PALLD: variants seen among roughly 807,000 people sequenced by gnomAD.
PALLD encodes palladin, cytoskeletal associated protein.
In PALLD, 61 loss-of-function variants were observed where a neutral mutation model predicts 123.5. That is an observed-to-expected ratio of 0.49 (90% CI 0.40 to 0.61). The LOEUF is 0.61. Among genes scored for constraint, PALLD ranks in the 20% least tolerant of loss-of-function variants. PALLD has a pLI of 0.00. For missense variants in PALLD, 1,273 were observed against 1,377.0 expected (o/e 0.92, Z 1.20); for synonymous variants, 465 against 496.4 (o/e 0.94, Z 0.84).
chr4:168,560,705 A>T (rs901256573), intron 2 of PALLD, among the ~76,000 whole-genome samples: 2 of 152,172 alleles, frequency 1.3e-5, no homozygotes, highest in African/African-American at 4.8e-5. Context: ...TATTCAACCA[A>T]CATTTGAGTT....
rs143836411 is a variant in PALLD at position 168,817,871 on chromosome 4, G to A, written c.1965-73051G>A. ...CTAAATTGTTGGCAACTCTAGGATT[G>A]GCAATTGAACAAATCTATCCTTCTG... On this transcript the variant is annotated intron_variant, in intron 10 of 21. Transcript: ENST00000505667. Among the ~76,000 whole-genome samples the A allele has an allele frequency of 9.2e-5, 14 of 152,250 alleles. 1 individual carries two copies. In the East Asian group the frequency reaches 1.9e-3, roughly 21 times the overall value.
intron 10 of PALLD, among the ~76,000 whole-genome samples, chr4:168,889,167 GTTT>G (rs35959674): frequency 2.4e-5 from 1 of 41,474 alleles, no homozygotes; most frequent in African/African-American, 5.1e-5. Flanking sequence ...TGTGTGTGTG[GTTT>G]TTTTTTTTTT....
At chr4:168,880,173 G>A (rs1372511659) in intron 10 of PALLD, among the ~76,000 whole-genome samples, 1 of 152,224 alleles carries the variant, frequency 6.6e-6, no homozygotes, top group East Asian at 1.9e-4. Flanking sequence ...CTTAAGATAA[G>A]CAAGTTTTAA....
chr4:168,702,016 T>C (rs768207491), intron 8 of PALLD, among the ~76,000 whole-genome samples: 25 of 152,226 alleles, frequency 1.6e-4, no homozygotes, highest in Non-Finnish European at 3.7e-4. Context: ...AGAGGACATA[T>C]TGCCCTCCCC....
chr4:168,715,677 G>A (rs1265498562), intron 10 of PALLD, among the ~76,000 whole-genome samples: 2 of 152,118 alleles, frequency 1.3e-5, no homozygotes, highest in South Asian at 2.1e-4. Context: ...CAGCCAGGGC[G>A]CGGTGGCTCA....
intron 10 of PALLD, among the ~76,000 whole-genome samples, chr4:168,776,465 C>T (rs780702213): frequency 2.6e-5 from 4 of 152,138 alleles, no homozygotes; most frequent in Non-Finnish European, 4.4e-5. Flanking sequence ...AGCTTTGCTT[C>T]CTCCTTTCCA....
At chr4:168,618,306 A>G (rs62335536) in intron 2 of PALLD, among the ~76,000 whole-genome samples, 8,309 of 152,302 alleles carry the variant, frequency 0.055, 308 homozygotes, top group Non-Finnish European at 0.075. Context: ...AAGAACTATA[A>G]CTTTCTATGG....
intron 3 of PALLD, among the ~76,000 whole-genome samples, chr4:168,670,775 C>CAAAAA (rs112589264): frequency 1.0e-5 from 1 of 100,214 alleles, no homozygotes; most frequent in Non-Finnish European, 2.0e-5. Flanking sequence ...CAAAAAAAAA[C>CAAAAA]AAAAAAAAAA....
chr4:168,696,748 G>T (rs1198966512), intron 8 of PALLD, among the ~76,000 whole-genome samples: 1 of 151,986 alleles, frequency 6.6e-6, no homozygotes, highest in Non-Finnish European at 1.5e-5. Context: ...AAAGTTCATA[G>T]CAGAAATAAA....
intron 10 of PALLD, among the ~76,000 whole-genome samples, chr4:168,830,231 CAAA>C (rs1156711141): frequency 5.5e-5 from 4 of 73,218 alleles, no homozygotes; most frequent in African/African-American, 1.0e-4. Flanking sequence ...GACTTTGTCT[CAAA>C]AAAAAAAAAA....
chr4:168,551,805 T>A (rs920655527), intron 2 of PALLD, among the ~76,000 whole-genome samples: 2 of 152,126 alleles, frequency 1.3e-5, no homozygotes, highest in East Asian at 3.9e-4. Flanking sequence ...TGAAGTAAAA[T>A]TAAACACTCG....
intron 2 of PALLD, 98 bp downstream of exon 2, chr4:168,512,510 G>A: frequency 1.8e-6 from 2 of 1,116,496 alleles, no homozygotes; most frequent in South Asian, 2.7e-5. Context: ...TTAGCCCTCT[G>A]GAGACTGAGG....
At chr4:168,728,076 TG>T (rs1786775418) in intron 10 of PALLD, among the ~76,000 whole-genome samples, 1 of 152,176 alleles carries the variant, frequency 6.6e-6, no homozygotes, top group South Asian at 2.1e-4. Flanking sequence ...TATTTGTTTT[TG>T]TACCAGTACC....
intron 9 of PALLD, among the ~76,000 whole-genome samples, chr4:168,710,375 A>C (rs947656435): frequency 2.0e-5 from 3 of 152,016 alleles, no homozygotes; most frequent in African/African-American, 7.2e-5. Flanking sequence ...TTCATCTTAA[A>C]GATATTTTTA....
At chr4:168,673,861 G>A (rs1209724961) in intron 3 of PALLD, among the ~76,000 whole-genome samples, 1 of 151,404 alleles carries the variant, frequency 6.6e-6, no homozygotes, top group Non-Finnish European at 1.5e-5. Context: ...GGAGACAGAA[G>A]GAATTAAGTG....
intron 10 of PALLD, among the ~76,000 whole-genome samples, chr4:168,807,240 T>TG (rs1740341998): frequency 1.3e-5 from 2 of 151,576 alleles, no homozygotes; most frequent in South Asian, 4.2e-4. Flanking sequence ...GGGAGAAATT[T>TG]GGGGGCCAAT....
intron 2 of PALLD, among the ~76,000 whole-genome samples, chr4:168,626,839 G>A (rs1387254774): frequency 6.6e-6 from 1 of 151,992 alleles, no homozygotes; most frequent in Non-Finnish European, 1.5e-5. Context: ...TATGCCAAAT[G>A]AAATAAGTCA....
At chr4:168,754,962 G>C (rs1403911716) in intron 10 of PALLD, among the ~76,000 whole-genome samples, 2 of 152,242 alleles carry the variant, frequency 1.3e-5, no homozygotes, top group Admixed American at 6.5e-5. Flanking sequence ...GCCGGGCGCA[G>C]TGGCTCACGT....
At chr4:168,853,886 G>C (rs1356521860) in intron 10 of PALLD, among the ~76,000 whole-genome samples, 1 of 152,202 alleles carries the variant, frequency 6.6e-6, no homozygotes, top group East Asian at 1.9e-4. Context: ...TGATGGTTGA[G>C]ATGAGACGGA....
Sources: allele counts gnomAD v4.1 joint callset (sites outside exome capture counted in the v4.1 genomes callset), GRCh38; gene constraint gnomAD v4.1.1; transcripts MANE v1.5; gene names NCBI Gene and HGNC (gene_info 2026-07-23, HGNC 2026-07-21).